The following CXCL13 variants were observed in gnomAD, a reference collection of about 807,000 sequenced individuals.
The protein encoded by CXCL13 is C-X-C motif chemokine ligand 13, also known as C-X-C motif chemokine 13.
A neutral mutation model predicts 12.2 loss-of-function variants in CXCL13; 7 were observed. That is an observed-to-expected ratio of 0.57 (90% CI 0.33 to 1.07). The LOEUF (loss-of-function observed/expected upper bound fraction) is 1.07, where lower values mean the gene tolerates loss of function less well. CXCL13 is among the 50% of genes least tolerant of loss of function. CXCL13 has a pLI of 0.04. For missense variants in CXCL13, 113 were observed against 127.4 expected (o/e 0.89, Z 0.55); for synonymous variants, 47 against 42.4 (o/e 1.11, Z -0.42).
At chr4:77,556,141 C>T (rs2109809773) in intron 1 of CXCL13, among the ~76,000 whole-genome samples, 1 of 152,276 alleles carries the variant, frequency 6.6e-6, no homozygotes, top group South Asian at 2.1e-4. Flanking sequence ...CATTCAGAGA[C>T]TTATACACAA....
At chr4:77,536,351 G>A (rs189077521) in intron 1 of CXCL13, among the ~76,000 whole-genome samples, 58 of 152,280 alleles carry the variant, frequency 3.8e-4, no homozygotes, top group South Asian at 3.5e-3. Context: ...GTGTTCCGAA[G>A]CATAGTTAAC....
intron 3 of CXCL13, 55 bp downstream of exon 3, chr4:77,610,749 C>A: frequency 1.5e-6 from 2 of 1,340,458 alleles, no homozygotes; most frequent in South Asian, 1.2e-5. Context: ...AAGAGTTTCC[C>A]TTTCCTGGGC....
chr4:77,599,226 G>C (rs1726839421), intron 1 of CXCL13, among the ~76,000 whole-genome samples: 2 of 152,170 alleles, frequency 1.3e-5, no homozygotes. Flanking sequence ...TATCCGTGAG[G>C]ATTGGTTGCA....
chr4:77,598,506 G>A (rs572699672), intron 1 of CXCL13, among the ~76,000 whole-genome samples: 253 of 152,274 alleles, frequency 1.7e-3, no homozygotes, highest in Middle Eastern at 6.8e-3. Context: ...ATCTATGTTA[G>A]CTGGAAGAGA....
chr4:77,537,693 A>G (rs1429432803), intron 1 of CXCL13, among the ~76,000 whole-genome samples: 2 of 152,274 alleles, frequency 1.3e-5, no homozygotes, highest in African/African-American at 4.8e-5. Flanking sequence ...ATGTCCCAGC[A>G]TCCATTTGAG....
At chr4:77,543,894 C>T (rs192970559) in intron 1 of CXCL13, among the ~76,000 whole-genome samples, 134 of 152,274 alleles carry the variant, frequency 8.8e-4, no homozygotes, top group African/African-American at 2.9e-3. Context: ...CTATACCTCA[C>T]CACTCCCCCA....
At chr4:77,531,793 T>C (rs891825815) in intron 1 of CXCL13, among the ~76,000 whole-genome samples, 11 of 152,228 alleles carry the variant, frequency 7.2e-5, no homozygotes, top group Non-Finnish European at 1.2e-4. Context: ...CCCTTTACCA[T>C]TATGTAATGG....
At chr4:77,556,048 A>G (rs1465247016) in intron 1 of CXCL13, among the ~76,000 whole-genome samples, 1 of 152,212 alleles carries the variant, frequency 6.6e-6, no homozygotes, top group Non-Finnish European at 1.5e-5. Context: ...AAACAGTTGA[A>G]CAGTTCCTTA....
intron 1 of CXCL13, among the ~76,000 whole-genome samples, chr4:77,591,378 G>A (rs1214289314): frequency 3.3e-5 from 5 of 151,514 alleles, no homozygotes; most frequent in African/African-American, 9.7e-5. Flanking sequence ...GTGAAACCCC[G>A]TTTCTACTAA....
At chr4:77,569,520 C>T (rs1726013995) in intron 1 of CXCL13, among the ~76,000 whole-genome samples, 2 of 151,768 alleles carry the variant, frequency 1.3e-5, no homozygotes, top group African/African-American at 4.8e-5. Flanking sequence ...TCCCAACTGC[C>T]ACACACACAC....
At chr4:77,512,269 G>A (rs1239395462) in intron 1 of CXCL13, among the ~76,000 whole-genome samples, 3 of 152,058 alleles carry the variant, frequency 2.0e-5, no homozygotes, top group Admixed American at 2.0e-4. Flanking sequence ...TAAATTTAGT[G>A]GCAAAATTTG....
intron 1 of CXCL13, among the ~76,000 whole-genome samples, chr4:77,538,986 G>T (rs1171311838): frequency 1.3e-5 from 2 of 151,982 alleles, no homozygotes; most frequent in Non-Finnish European, 2.9e-5. Context: ...CTTTAGAGCA[G>T]GAATGAAAGT....
intron 1 of CXCL13, among the ~76,000 whole-genome samples, chr4:77,566,293 C>T (rs1175235124): frequency 2.0e-5 from 3 of 152,162 alleles, no homozygotes; most frequent in Non-Finnish European, 4.4e-5. Flanking sequence ...AACGTGTGTT[C>T]CTACCTCTTG....
chr4:77,560,109 T>A (rs1320694129), intron 1 of CXCL13, among the ~76,000 whole-genome samples: 1 of 152,192 alleles, frequency 6.6e-6, no homozygotes, highest in Non-Finnish European at 1.5e-5. Context: ...TAATACTTAC[T>A]ATTTATCAAA....
chr4:77,596,727 G>A lies in CXCL13; in HGVS notation c.-42-9097G>A, dbSNP rs573237121. Among the ~76,000 whole-genome samples, 139 of 150,252 alleles carry A rather than the reference G, an allele frequency of 9.3e-4. 3 individuals are homozygous for A. The highest frequency in any genetic ancestry group is 3.3e-3 in the African/African-American group (136 of 40,850). ...TGGAACCCGGGAGGCAGAGGTTGCA[G>A]TGAGCTGAGACCGCGCCATTGCACT... On this transcript the variant is annotated intron_variant, in intron 1 of 4. Transcript: ENST00000286758.
chr4:77,515,348 T>G (rs1313105725), intron 1 of CXCL13, among the ~76,000 whole-genome samples: 1 of 152,058 alleles, frequency 6.6e-6, no homozygotes, highest in African/African-American at 2.4e-5. Flanking sequence ...GTGAAGAAAG[T>G]CATTGGTAGC....
chr4:77,538,375 CT>C (rs1560519025), intron 1 of CXCL13, among the ~76,000 whole-genome samples: 1 of 143,166 alleles, frequency 7.0e-6, no homozygotes, highest in African/African-American at 2.6e-5. Flanking sequence ...CATTATTTAT[CT>C]TGAGGGTGTA....
chr4:77,555,716 T>C (rs2109809532), intron 1 of CXCL13, among the ~76,000 whole-genome samples: 1 of 152,242 alleles, frequency 6.6e-6, no homozygotes, highest in African/African-American at 2.4e-5. Context: ...AGATTTGTTG[T>C]TTGTGTTACT....
intron 1 of CXCL13, among the ~76,000 whole-genome samples, chr4:77,538,599 A>G (rs560030100): frequency 6.6e-6 from 1 of 152,158 alleles, no homozygotes; most frequent in East Asian, 1.9e-4. Flanking sequence ...CTTTAGAGGT[A>G]GAAGAGGGTA....
Sources: allele counts gnomAD v4.1 joint callset (sites outside exome capture counted in the v4.1 genomes callset), GRCh38; gene constraint gnomAD v4.1.1; transcripts MANE v1.5; gene names NCBI Gene and HGNC (gene_info 2026-07-23, HGNC 2026-07-21).